BLM: variants seen among roughly 807,000 people sequenced by gnomAD.
BLM encodes recQ-like DNA helicase BLM.
BLM carries 95 observed loss-of-function variants against 135.3 expected under a neutral mutation model. That is an observed-to-expected ratio of 0.70 (90% CI 0.59 to 0.83). The LOEUF (loss-of-function observed/expected upper bound fraction) is 0.83. Ranked by LOEUF, BLM falls within the 40% of genes least tolerant of loss-of-function variation. The pLI is 0.00. For missense variants in BLM, 1,518 were observed against 1,663.9 expected, an observed-to-expected ratio of 0.91 and a Z score of 1.53; for synonymous variants, 520 against 589.2, an observed-to-expected ratio of 0.88 and a Z score of 1.70.
chr15:90,761,525 T>A (rs555589388), intron 7 of BLM, among the ~76,000 whole-genome samples: 1 of 152,338 alleles, frequency 6.6e-6, no homozygotes, highest in Non-Finnish European at 1.5e-5. Context: ...GAATTAACAT[T>A]TTTTAGTTCC....
rs1233313033 is a variant in BLM, at chr15:90,794,359, T to TA, written c.3210+9dup. On this transcript the variant is annotated splice_region_variant and intron_variant, in intron 16 of 21. Coordinates refer to ENST00000355112, the MANE Select transcript of BLM (RefSeq NM_000057.4). Reference sequence around the variant, plus strand: ...TGTGATAATTGCTGTAAAACAAAGGTAAAAAAAGAAGTTTTAAAATTCTTT... The same window carrying TA: ...TGTGATAATTGCTGTAAAACAAAGGTAAAAAAAAGAAGTTTTAAAATTCTTT... 3.8e-6 allele frequency: 6 copies of TA among 1,571,258 alleles called. No homozygotes were observed. The highest frequency in any genetic ancestry group is 1.4e-5 in the African/African-American group (1 of 72,860).
intron 20 of BLM, 60 bp from the exon 21 acceptor site, chr15:90,811,145 A>T (rs1897404554): frequency 1.9e-6 from 3 of 1,575,820 alleles, no homozygotes. Flanking sequence ...CTTCATATAC[A>T]CTAAAAACAC....
At chr15:90,804,139 T>C (rs779671761) in intron 18 of BLM, 28 bp from the exon 19 acceptor site, 1 of 1,597,076 alleles carries the variant, frequency 6.3e-7, no homozygotes, top group South Asian at 1.1e-5. Context: ...ATATACCCAC[T>C]CCTATGATTT....
chr15:90,744,555 A>G (rs1895449621), intron 1 of BLM, among the ~76,000 whole-genome samples: 2 of 151,976 alleles, frequency 1.3e-5, no homozygotes, highest in Non-Finnish European at 2.9e-5. Flanking sequence ...TATTTTTAGT[A>G]GAGACAGGGA....
chr15:90,756,649 C>A (rs935657594), intron 5 of BLM, among the ~76,000 whole-genome samples: 1 of 152,206 alleles, frequency 6.6e-6, no homozygotes, highest in African/African-American at 2.4e-5. Flanking sequence ...TCAATAGAGG[C>A]TTCCCTCTTG....
rs1897522712 is a variant in BLM at position 90,815,058 on chromosome 15, TG to T, written c.4077-42del. On this transcript the variant is annotated intron_variant, in intron 21 of 21. Transcript: ENST00000355112. The surrounding 1 kb of genome is among the most constrained non-coding windows in gnomAD (Gnocchi z 4.6). The stretch of plus-strand genomic sequence containing the variant: ...GGTTGAGAGGAAGGTCATTCATTTT[TG>T]GTTTCATTTAACATTTTGATTTTTT... 6.3e-7 allele frequency: 1 copy of T among 1,592,954 alleles called. No individual in the cohort carries two copies. Among genetic ancestry groups the T allele is most frequent in the African/African-American group, 1.3e-5 (1 of 74,546 alleles).
intron 7 of BLM, 28 bp from the exon 8 acceptor site, chr15:90,762,938 T>C: frequency 6.2e-7 from 1 of 1,600,732 alleles, no homozygotes; most frequent in Non-Finnish European, 8.5e-7. Context: ...CATGTACTGA[T>C]TTTTCTTAAC....
chr15:90,773,095 CAAAAAAA>C (rs780966709), intron 12 of BLM, among the ~76,000 whole-genome samples: 3 of 43,438 alleles, frequency 6.9e-5, no homozygotes, highest in African/African-American at 1.9e-4. Flanking sequence ...GAGACTGTCT[CAAAAAAA>C]AAAAAAAAAA....
chr15:90,772,905 C>G (rs1896360754), intron 12 of BLM, among the ~76,000 whole-genome samples: 2 of 151,640 alleles, frequency 1.3e-5, no homozygotes, highest in South Asian at 4.2e-4. Context: ...CAAGACCAGA[C>G]TGACCAACAA....
At chr15:90,780,081 CT>C (rs1164879678) in intron 12 of BLM, among the ~76,000 whole-genome samples, 3,978 of 135,362 alleles carry the variant, frequency 0.029, 152 homozygotes, top group African/African-American at 0.095. Flanking sequence ...AGCAGGATGT[CT>C]TTTTTTTTTT....
At position 90,815,183 on chromosome 15, in the gene BLM, T is replaced by G. The variant is rs746522338; in HGVS notation, c.4158T>G (p.Ser1386=). The G allele has an allele frequency of 6.2e-7, 1 of 1,614,088 alleles. No individual in the cohort carries two copies. Among genetic ancestry groups the G allele is most frequent in the African/African-American group, 1.3e-5 (1 of 74,922 alleles). The change falls in exon 22 of 22, where the codon TCT becomes TCG. Residue 1386 remains serine, a synonymous_variant. Transcript: ENST00000355112. This position sits in a 1 kb window ranked among gnomAD's most constrained non-coding sequence, Gnocchi z 4.6. The stretch of plus-strand genomic sequence containing the variant: ...GATCCAGTTCAGCCTCACATACTTC[T>G]CAAGCGACATCAGGAGCCAATAGCA... The part of the protein sequence containing the change: ...IIGSSSASHT[S]QATSGANSKL...
chr15:90,805,428 CA>C (rs1047448979), intron 19 of BLM, among the ~76,000 whole-genome samples: 1 of 151,410 alleles, frequency 6.6e-6, no homozygotes, highest in Non-Finnish European at 1.5e-5. Flanking sequence ...TTGTATATAA[CA>C]CAGCTAAACA....
At chr15:90,786,088 G>A (rs1183820280) in intron 14 of BLM, among the ~76,000 whole-genome samples, 5 of 143,466 alleles carry the variant, frequency 3.5e-5, no homozygotes, top group Admixed American at 7.5e-5. Flanking sequence ...ACTGCAGACC[G>A]TACCTCAAAC....
intron 14 of BLM, among the ~76,000 whole-genome samples, chr15:90,788,176 A>G (rs1334024800): frequency 6.6e-6 from 1 of 152,324 alleles, no homozygotes; most frequent in East Asian, 1.9e-4. Context: ...GCCTAAGAAT[A>G]GTAAGTGTAC....
intron 1 of BLM, among the ~76,000 whole-genome samples, chr15:90,745,064 A>G (rs1895464483): frequency 6.6e-6 from 1 of 151,944 alleles, no homozygotes; most frequent in African/African-American, 2.4e-5. Flanking sequence ...AGAAAACAAG[A>G]ATTAGGGATG....
At chr15:90,810,733 G>A (rs1231178505) in intron 20 of BLM, among the ~76,000 whole-genome samples, 1 of 152,092 alleles carries the variant, frequency 6.6e-6, no homozygotes, top group East Asian at 1.9e-4. Context: ...ATTTTCTTAT[G>A]TTCATTTACT....
chr15:90,757,289 G>A (rs565192337), intron 5 of BLM, among the ~76,000 whole-genome samples: 28 of 152,162 alleles, frequency 1.8e-4, no homozygotes, highest in Admixed American at 9.8e-4. Context: ...TTCACTAGAT[G>A]CCTCACACAC....
intron 19 of BLM, 65 bp from the exon 20 acceptor site, chr15:90,809,072 A>G (rs1422740304): frequency 1.2e-6 from 2 of 1,601,530 alleles, no homozygotes; most frequent in Admixed American, 1.7e-5. Flanking sequence ...TGCGTGAATG[A>G]GCCTGAATTC....
chr15:90,744,677 A>G (rs565394653), intron 1 of BLM, among the ~76,000 whole-genome samples: 6 of 151,878 alleles, frequency 4.0e-5, no homozygotes, highest in Admixed American at 2.0e-4. Context: ...GCCAAGATCA[A>G]TACTTTTAAA....
Sources: gnomAD v4.1 joint callset for allele counts (sites outside exome capture counted in the v4.1 genomes callset) on GRCh38, gnomAD v4.1.1 for gene constraint, Gnocchi (gnomAD v3.1) non-coding constraint, MANE v1.5 for transcripts, NCBI Gene and HGNC (gene_info 2026-07-23, HGNC 2026-07-21) for gene names.